The following PRSS55 variants were observed in gnomAD, a reference collection of about 807,000 sequenced individuals.
PRSS55 encodes serine protease 55.
A neutral mutation model predicts 23.6 loss-of-function variants in PRSS55; 41 were observed. That is an observed-to-expected ratio of 1.74 (90% CI 1.35 to 2.26). The LOEUF is 2.26. Among genes scored for constraint, PRSS55 ranks in the 30% most tolerant of loss-of-function variants. PRSS55 has a pLI of 0.00. For synonymous variants in PRSS55, 262 were observed against 175.5 expected (o/e 1.49, Z -3.90); for missense variants, 669 against 439.1 (o/e 1.52, Z -4.68).
At chr8:10,532,206 G>C (rs893733361) in intron 3 of PRSS55, among the ~76,000 whole-genome samples, 6 of 152,174 alleles carry the variant, frequency 3.9e-5, no homozygotes, top group Non-Finnish European at 8.8e-5. Context: ...GGTGTTTCAG[G>C]AGTTTAGCAA....
intron 4 of PRSS55, among the ~76,000 whole-genome samples, chr8:10,545,744 C>T (rs1812800887): frequency 1.3e-5 from 2 of 152,206 alleles, no homozygotes; most frequent in Non-Finnish European, 2.9e-5. Flanking sequence ...ATGTGTTATT[C>T]ATTGTCTTGA....
downstream of PRSS55, among the ~76,000 whole-genome samples, chr8:10,542,718 A>C (rs1812692535): frequency 6.6e-6 from 1 of 151,740 alleles, no homozygotes; most frequent in African/African-American, 2.4e-5. Flanking sequence ...AAATACAAAA[A>C]AAAAATTAGC....
At chr8:10,527,713 C>T (rs62492801) in intron 1 of PRSS55, among the ~76,000 whole-genome samples, 2 of 152,346 alleles carry the variant, frequency 1.3e-5, no homozygotes, top group South Asian at 4.1e-4. Flanking sequence ...CAGTCACTGA[C>T]TAGTTGTGTG....
At chr8:10,543,050 T>C (rs2117066440), downstream of PRSS55, among the ~76,000 whole-genome samples, 1 of 152,134 alleles carries the variant, frequency 6.6e-6, no homozygotes, top group Non-Finnish European at 1.5e-5. Context: ...ATCCATTTCT[T>C]ATGGACAGGT....
downstream of PRSS55, chr8:10,538,911 AC>A (rs1812555715): frequency 3.8e-6 from 4 of 1,044,208 alleles, no homozygotes; most frequent in Non-Finnish European, 5.5e-6. Flanking sequence ...GACCAGGAGG[AC>A]CAGAGAGTCA....
At chr8:10,533,801 A>G (rs1293089498) in intron 4 of PRSS55, among the ~76,000 whole-genome samples, 1 of 152,226 alleles carries the variant, frequency 6.6e-6, no homozygotes, top group Non-Finnish European at 1.5e-5. Context: ...AAAACCACAA[A>G]TGAAGATGAT....
At position 10,538,521 on chromosome 8, in the gene PRSS55, A is replaced by G. The variant is rs1197520611; in HGVS notation, c.787A>G (p.Lys263Glu). The part of the protein sequence containing the change: ...PLVCTPEPGE[K>E]WYQVGIISWG... ...GGTCTGCACCCCAGAGCCTGGTGAG[A>G]AGTGGTACCAGGTGGGCATCATAAG... Residue 263 changes from lysine (K) to glutamate (E), a missense_variant, in exon 5 of 5, where the codon AAG becomes GAG. Physicochemically the swap from Lys to Glu is moderately conservative, Grantham distance 56 (BLOSUM62 1). Coordinates refer to ENST00000328655, the MANE Select transcript of PRSS55 (RefSeq NM_198464.4). 6.2e-7 allele frequency: 1 copy of G among 1,614,090 alleles called. No individual in the cohort carries two copies. The highest frequency in any genetic ancestry group is 8.5e-7 in the Non-Finnish European group (1 of 1,179,992).
Position 10,529,676 on chromosome 8 carries a change from C to A in PRSS55, c.324C>A (p.His108Gln), listed in dbSNP as rs951897463. 1.9e-6 allele frequency: 3 copies of A among 1,614,112 alleles called. No homozygotes were observed. The highest frequency in any genetic ancestry group is 8.5e-7 in the Non-Finnish European group (1 of 1,179,978). Residue 108 changes from histidine to glutamine, a missense_variant, in exon 2 of 5, where the codon CAC (histidine) becomes CAA (glutamine). Coordinates refer to ENST00000328655, the MANE Select transcript of PRSS55 (RefSeq NM_198464.4). The stretch of plus-strand genomic sequence containing the variant: ...AGTGGTGGATTCTCACTGCGGCTCA[C>A]TGCTTATATTCCGAGGAGCTGTTGT... ...LNKWWILTAA[H>Q]CLYSEELFPE...
At chr8:10,533,087 A>G in intron 4 of PRSS55, 39 bp downstream of exon 4, 2 of 1,606,190 alleles carry the variant, frequency 1.2e-6, no homozygotes, top group Non-Finnish European at 1.7e-6. Flanking sequence ...ATAGGTCCTC[A>G]CCCTCTGGGA....
chr8:10,553,156 G>A (rs1182022987), intron 4 of PRSS55, among the ~76,000 whole-genome samples: 1 of 152,152 alleles, frequency 6.6e-6, no homozygotes, highest in East Asian at 1.9e-4. Context: ...GAGTTCTCAC[G>A]AGATCTGATG....
At chr8:10,545,990 C>T (rs998729667) in intron 4 of PRSS55, among the ~76,000 whole-genome samples, 2 of 152,102 alleles carry the variant, frequency 1.3e-5, no homozygotes, top group Admixed American at 6.5e-5. Context: ...CTCAGATTAC[C>T]CTGAGGCTCA....
downstream of PRSS55, among the ~76,000 whole-genome samples, chr8:10,543,445 ATCCTTCCT>A (rs1197210811): frequency 8.1e-4 from 20 of 24,756 alleles, 1 homozygote; most frequent in African/African-American, 1.6e-3. Flanking sequence ...CCTTCCTTCC[ATCCTTCCT>A]TCCTTCCTTC....
chr8:10,550,646 T>C (rs6601486), intron 4 of PRSS55, among the ~76,000 whole-genome samples: 129,476 of 152,164 alleles, frequency 0.85, 56,565 homozygotes, highest in East Asian at 1. Flanking sequence ...CCAGCCTTCC[T>C]CTCTCCTGCC....
chr8:10,532,806 G>C (rs1232094767), intron 3 of PRSS55, 100 bp from the exon 4 acceptor site: 9 of 1,459,048 alleles, frequency 6.2e-6, no homozygotes, highest in African/African-American at 1.4e-5. Context: ...GAAGGGGATG[G>C]GGGCTGGGGG....
At chr8:10,533,788 T>C (rs979956535) in intron 4 of PRSS55, among the ~76,000 whole-genome samples, 15 of 152,184 alleles carry the variant, frequency 9.9e-5, no homozygotes, top group Admixed American at 9.8e-4. Flanking sequence ...TTGTCGTTGG[T>C]ATAAAACCAC....
chr8:10,526,404 G>C (rs1481150972), intron 1 of PRSS55, among the ~76,000 whole-genome samples: 1 of 152,220 alleles, frequency 6.6e-6, no homozygotes, highest in Non-Finnish European at 1.5e-5. Context: ...GCGCCAGGCT[G>C]CATGCCCTGT....
At chr8:10,532,563 A>G (rs1041183249) in intron 3 of PRSS55, among the ~76,000 whole-genome samples, 6 of 152,206 alleles carry the variant, frequency 3.9e-5, no homozygotes, top group African/African-American at 1.4e-4. Context: ...AAAATGTCAC[A>G]ATAGGCAAAT....
rs756348631 is a variant in PRSS55, at chr8:10,529,635, G to A, written c.283G>A (p.Gly95Ser). 18 of 1,614,030 alleles carry A rather than the reference G, an allele frequency of 1.1e-5. No homozygotes were observed. Among genetic ancestry groups the A allele is most frequent in the South Asian group, 2.2e-5 (2 of 91,088 alleles). Residue 95 changes from glycine (G) to serine (S), a missense_variant, in exon 2 of 5, where the codon GGC (glycine) becomes AGC (serine). Gly to Ser is a moderately conservative substitution (Grantham distance 56). Coordinates refer to ENST00000328655, the MANE Select transcript of PRSS55 (RefSeq NM_198464.4). ...IQARSEPFCG[G>S]SILNKWWILT... ...GGCAAGAAGTGAACCTTTCTGTGGCGGCTCCATCCTCAACAAGTGGTGGAT... is the reference window on the plus strand; with the variant it reads ...GGCAAGAAGTGAACCTTTCTGTGGCAGCTCCATCCTCAACAAGTGGTGGAT...
At chr8:10,527,293 AG>A (rs1812064407) in intron 1 of PRSS55, among the ~76,000 whole-genome samples, 1 of 152,208 alleles carries the variant, frequency 6.6e-6, no homozygotes, top group South Asian at 2.1e-4. Context: ...TCATGATGAT[AG>A]AGATCGCTGC....
Sources: allele counts gnomAD v4.1 joint callset (sites outside exome capture counted in the v4.1 genomes callset), GRCh38; gene constraint gnomAD v4.1.1; transcripts MANE v1.5; gene names NCBI Gene and HGNC (gene_info 2026-07-23, HGNC 2026-07-21).